ZNF836: variants seen among roughly 807,000 people sequenced by gnomAD.
ZNF836 encodes zinc finger protein 836.
In ZNF836, 12 loss-of-function variants were observed where a neutral mutation model predicts 7.4. The observed-to-expected ratio is 1.61, with a 90% CI of 1.03 to 2.61. The LOEUF is 2.61. Ranked by LOEUF, ZNF836 falls within the 30% of genes most tolerant of loss-of-function variation. The pLI is 0.00. For synonymous variants in ZNF836, 365 were observed against 382.6 expected (o/e 0.95, Z 0.54); for missense variants, 998 against 1,126.2 (o/e 0.89, Z 1.63).
rs551588551 is a variant in ZNF836 at position 52,166,649 on chromosome 19, C to T, written c.15+1409G>A. On this transcript the variant is annotated intron_variant, in intron 3 of 4. Coordinates refer to ENST00000682614, the MANE Select transcript of ZNF836 (RefSeq NM_001102657.3). ...AGTGCAGTGGCACGATCTCGGCTCACTGCAAGCTCCACCTCCTGGGTTCAT... is the reference window on the plus strand; with the variant it reads ...AGTGCAGTGGCACGATCTCGGCTCATTGCAAGCTCCACCTCCTGGGTTCAT... Among the ~76,000 whole-genome samples, 6 of 150,348 alleles carry T rather than the reference C, an allele frequency of 4.0e-5. No homozygotes were observed. The South Asian group carries it at 6.3e-4, about 16-fold the overall frequency.
chr19:52,154,456 T>C lies in ZNF836; in HGVS notation c.*416A>G, dbSNP rs141213914. 4.2e-3 allele frequency among the ~76,000 whole-genome samples: 636 copies of C among 152,130 alleles called. 6 individuals are homozygous for C. Among genetic ancestry groups the C allele is most frequent in the Non-Finnish European group, 4.8e-3 (326 of 67,992 alleles). ...CAGGCAGATCACTAGGTCAAGAAAT[T>C]GAGACCATCCTGGCCAACATGGTGA... On this transcript the variant is annotated 3_prime_UTR_variant, in exon 5 of 5. Transcript: ENST00000682614.
rs548709614 is a variant in ZNF836, at chr19:52,168,056, A to C, written c.15+2T>G. 1.9e-6 allele frequency: 3 copies of C among 1,602,636 alleles called. No individual in the cohort carries two copies. In the African/African-American group the frequency reaches 4.0e-5, roughly 21 times the overall value. On this transcript the variant is annotated splice_donor_variant, in intron 3 of 4. Transcript: ENST00000682614. LOFTEE classifies it high-confidence loss of function. ...AATGATCCACTAAGAATATCATTTT[A>C]CCTGTGTAAGAGCCATCCCTGACTC...
At chr19:52,162,384 G>A (rs549932453) in intron 3 of ZNF836, among the ~76,000 whole-genome samples, 2 of 152,200 alleles carry the variant, frequency 1.3e-5, no homozygotes, top group Non-Finnish European at 2.9e-5. Flanking sequence ...GGATCTCTGA[G>A]GCATTCTTTG....
intron 3 of ZNF836, among the ~76,000 whole-genome samples, chr19:52,162,132 T>G (rs28887871): frequency 0.06 from 9,094 of 152,240 alleles, 922 homozygotes; most frequent in African/African-American, 0.21. Context: ...GTGGTTTTGT[T>G]GGGATCACCC....
At chr19:52,164,133 T>A (rs146752694) in intron 3 of ZNF836, among the ~76,000 whole-genome samples, 1 of 151,604 alleles carries the variant, frequency 6.6e-6, no homozygotes, top group Non-Finnish European at 1.5e-5. Flanking sequence ...GCTCACGACC[T>A]GTAATCCCAG....
chr19:52,168,542 C>G (rs1411378487), intron 2 of ZNF836, among the ~76,000 whole-genome samples: 1 of 151,526 alleles, frequency 6.6e-6, no homozygotes, highest in Non-Finnish European at 1.5e-5. Context: ...GAGCCGAGAT[C>G]ATGCCACTGT....
At chr19:52,165,788 C>T (rs2089257331) in intron 3 of ZNF836, among the ~76,000 whole-genome samples, 1 of 152,146 alleles carries the variant, frequency 6.6e-6, no homozygotes, top group African/African-American at 2.4e-5. Context: ...TGAACAAAAC[C>T]TACTACTATG....
At position 52,168,157 on chromosome 19, in the gene ZNF836, A is replaced by G; in HGVS notation, c.-80-5T>C. The G allele has an allele frequency of 6.4e-7, 1 of 1,552,226 alleles. No individual in the cohort carries two copies. Among genetic ancestry groups the G allele is most frequent in the Non-Finnish European group, 8.7e-7 (1 of 1,150,468 alleles). On this transcript the variant is annotated splice_polypyrimidine_tract_variant and splice_region_variant and intron_variant, in intron 2 of 4. Transcript: ENST00000682614. The stretch of plus-strand genomic sequence containing the variant: ...TTAATTCTTTACAAGTCAAATCTGA[A>G]AGTGAAAAATCTGTTGTTTAATGCT...
chr19:52,170,136 C>A (rs760400165), intron 1 of ZNF836, among the ~76,000 whole-genome samples: 5 of 150,838 alleles, frequency 3.3e-5, no homozygotes, highest in Non-Finnish European at 5.9e-5. Context: ...TCCTCTCCCA[C>A]TTTCTTCACT....
chr19:52,166,149 G>A (rs1035794222), intron 3 of ZNF836, among the ~76,000 whole-genome samples: 3 of 151,842 alleles, frequency 2.0e-5, no homozygotes, highest in South Asian at 2.1e-4. Context: ...GCGCCACCAC[G>A]CCAGGCTAAT....
chr19:52,167,172 AT>A (rs2089272323), intron 3 of ZNF836, among the ~76,000 whole-genome samples: 2 of 151,850 alleles, frequency 1.3e-5, no homozygotes, highest in South Asian at 4.2e-4. Flanking sequence ...TTGATTTTAT[AT>A]TTTAAAATCA....
In ZNF836 at chr19:52,155,491, A is replaced by C. The variant is rs2089145380; in HGVS notation, c.2192T>G (p.Phe731Cys). Reference sequence around the variant, plus strand: ...GTACGTCAGGCCTGTTATATGACTAAAAGTTCTACCACAATGGCTACATTT... The same window carrying C: ...GTACGTCAGGCCTGTTATATGACTACAAGTTCTACCACAATGGCTACATTT... ...PHKCSHCGRT[F>C]SHITGLTYHQ... Residue 731 changes from phenylalanine to cysteine, a missense_variant, in exon 5 of 5, where the codon TTT becomes TGT. Phe to Cys is a radical substitution (Grantham distance 205). Coordinates refer to ENST00000682614, the MANE Select transcript of ZNF836 (RefSeq NM_001102657.3). 6.2e-7 allele frequency: 1 copy of C among 1,614,002 alleles called. No homozygotes were observed. The highest frequency in any genetic ancestry group is 8.5e-7 in the Non-Finnish European group (1 of 1,179,906).
rs893454609 is a variant in ZNF836 at position 52,154,654 on chromosome 19, G to C, written c.*218C>G. The C allele has an allele frequency of 2.5e-6, 1 of 393,016 alleles. No individual in the cohort carries two copies. Among genetic ancestry groups the C allele is most frequent in the African/African-American group, 2.1e-5 (1 of 48,516 alleles). 24.3% of individuals were successfully genotyped at this position (393,016 alleles called of 1,614,324 possible). On this transcript the variant is annotated 3_prime_UTR_variant, in exon 5 of 5. Coordinates refer to ENST00000682614, the MANE Select transcript of ZNF836 (RefSeq NM_001102657.3). ...CAGCCTGGCGACAGAGAGAGACTCCGTCTCAAAAAAGCAAAACAAACAAAA... is the reference window on the plus strand; with the variant it reads ...CAGCCTGGCGACAGAGAGAGACTCCCTCTCAAAAAAGCAAAACAAACAAAA...
intron 4 of ZNF836, among the ~76,000 whole-genome samples, chr19:52,158,918 G>C (rs1247461005): frequency 6.6e-6 from 1 of 152,232 alleles, no homozygotes; most frequent in East Asian, 1.9e-4. Context: ...AGGCAATTAG[G>C]TCACCATGGT....
In ZNF836 at chr19:52,155,111, C is replaced by T. The variant is rs2089139162; in HGVS notation, c.2572G>A (p.Gly858Arg). 1 of 1,614,054 alleles carries T rather than the reference C, an allele frequency of 6.2e-7. No homozygotes were observed. Among genetic ancestry groups the T allele is most frequent in the African/African-American group, 1.3e-5 (1 of 74,930 alleles). Residue 858 changes from glycine to arginine, a missense_variant, in exon 5 of 5, where the codon GGA becomes AGA. Physicochemically the swap from Gly to Arg is moderately radical, Grantham distance 125 (BLOSUM62 -2). Coordinates refer to ENST00000682614, the MANE Select transcript of ZNF836 (RefSeq NM_001102657.3). Reference sequence around the variant, plus strand: ...TCAATACATTTGTATGGCTTCTCTCCAGTGTGATTTCTTTGATGGTACACC... The same window carrying T: ...TCAATACATTTGTATGGCTTCTCTCTAGTGTGATTTCTTTGATGGTACACC... ...KLVYHQRNHT[G>R]EKPYKCIECG...
rs1018173682 is a variant in ZNF836, at chr19:52,157,469, T to G, written c.214A>C (p.Thr72Pro). 3.1e-6 allele frequency: 5 copies of G among 1,590,572 alleles called. No individual in the cohort carries two copies. Among genetic ancestry groups the G allele is most frequent in the Non-Finnish European group, 4.3e-6 (5 of 1,172,460 alleles). Residue 72 changes from threonine to proline, a missense_variant, in exon 5 of 5, where the codon ACA becomes CCA. By Grantham distance (38) the Thr-to-Pro change is conservative (BLOSUM62 -1). Coordinates refer to ENST00000682614, the MANE Select transcript of ZNF836 (RefSeq NM_001102657.3). ...CATTCATGTCTTTCCAGCGTCACTG[T>G]TTGGCATTTTTCTCCTGTATTACTG... Reference protein sequence around the residue: ...GNSNTGEKCQTVTLERHECYD... With the variant: ...GNSNTGEKCQPVTLERHECYD...
In ZNF836 at chr19:52,168,039, A is replaced by G. The variant is rs182360791; in HGVS notation, c.15+19T>C. ...AAAAAGGAAGGAGACAGAATGATCC[A>G]CTAAGAATATCATTTTACCTGTGTA... On this transcript the variant is annotated intron_variant, in intron 3 of 4. Transcript: ENST00000682614. 2.8e-5 allele frequency: 44 copies of G among 1,557,014 alleles called. No individual in the cohort carries two copies. The highest frequency in any genetic ancestry group is 2.5e-4 in the East Asian group (11 of 44,510).
Position 52,155,178 on chromosome 19 carries a change from T to C in ZNF836, c.2505A>G (p.Lys835=), listed in dbSNP as rs1383197119. ...QKMHTGDKPY[K]CNECGKAFIE... is the part of the protein sequence containing the mutation. ...TAAAAGCTTTACCACATTCATTACATTTGTAAGGTTTGTCCCCAGTATGCA... is the reference window on the plus strand; with the variant it reads ...TAAAAGCTTTACCACATTCATTACACTTGTAAGGTTTGTCCCCAGTATGCA... The change falls in exon 5 of 5, where the codon AAA becomes AAG. Residue 835 remains lysine (K), a synonymous_variant. Coordinates refer to ENST00000682614, the MANE Select transcript of ZNF836 (RefSeq NM_001102657.3). 13 of 1,613,984 alleles carry C rather than the reference T, an allele frequency of 8.1e-6. No individual in the cohort carries two copies. The East Asian group carries it at 2.9e-4, about 36-fold the overall frequency.
chr19:52,171,441 G>C lies in ZNF836; in HGVS notation c.-320C>G, dbSNP rs2089307290. ...AAGTGCACGTTCGATTCAGGCAGAC[G>C]GGGCGAAGCAAATGTTTAGTCCAGG... On this transcript the variant is annotated 5_prime_UTR_variant, in exon 1 of 5. Transcript: ENST00000682614. 1.3e-5 allele frequency: 2 copies of C among 152,276 alleles called. No individual in the cohort carries two copies. The highest frequency in any genetic ancestry group is 1.3e-4 in the Admixed American group (2 of 15,284). 9.4% of individuals were successfully genotyped at this position (152,276 alleles called of 1,614,324 possible).
Sources: allele counts gnomAD v4.1 joint callset (sites outside exome capture counted in the v4.1 genomes callset), GRCh38; gene constraint gnomAD v4.1.1; transcripts MANE v1.5; gene names NCBI Gene and HGNC (gene_info 2026-07-23, HGNC 2026-07-21).